TMEM132D: variants seen among roughly 807,000 people sequenced by gnomAD.
The protein encoded by TMEM132D is mature OL transmembrane protein.
Under a neutral mutation model 62.3 loss-of-function variants are expected in TMEM132D, and 21 were observed. The observed-to-expected ratio is 0.34, with a 90% CI of 0.24 to 0.49. TMEM132D has a LOEUF of 0.49. Ranked by LOEUF, TMEM132D falls within the 20% of genes least tolerant of loss-of-function variation. The pLI, the probability that TMEM132D is intolerant of heterozygous loss-of-function variation, is 0.99. For synonymous variants in TMEM132D, 621 were observed against 575.6 expected (o/e 1.08, Z -1.13); for missense variants, 1,346 against 1,402.8 (o/e 0.96, Z 0.65).
At chr12:129,739,774 A>G (rs894777115) in intron 1 of TMEM132D, among the ~76,000 whole-genome samples, 1 of 152,112 alleles carries the variant, frequency 6.6e-6, no homozygotes, top group South Asian at 2.1e-4. Flanking sequence ...GCTGGCAGGA[A>G]ATATGAGGTC....
intron 1 of TMEM132D, among the ~76,000 whole-genome samples, chr12:129,832,062 G>A (rs1489564450): frequency 7.6e-5 from 4 of 52,694 alleles, no homozygotes; most frequent in African/African-American, 3.0e-4. Flanking sequence ...TTTTTTTTTT[G>A]TATTTTAGTA....
At chr12:129,843,042 C>T (rs1053581654) in intron 1 of TMEM132D, among the ~76,000 whole-genome samples, 3 of 152,050 alleles carry the variant, frequency 2.0e-5, no homozygotes, top group Non-Finnish European at 2.9e-5. Context: ...TGGCAAAAAA[C>T]GTAAAACACA....
chr12:129,452,241 G>A (rs139511700), intron 3 of TMEM132D, among the ~76,000 whole-genome samples: 192 of 152,308 alleles, frequency 1.3e-3, no homozygotes, highest in Admixed American at 2.0e-3. Context: ...TGGAAAAAAT[G>A]AATAACATGC....
intron 4 of TMEM132D, among the ~76,000 whole-genome samples, chr12:129,336,327 C>T (rs550905642): frequency 2.2e-4 from 34 of 152,174 alleles, no homozygotes; most frequent in African/African-American, 8.2e-4. Context: ...TCTGTAATCC[C>T]AGTACTTTGG....
chr12:129,561,565 G>A (rs1397067347), intron 2 of TMEM132D, among the ~76,000 whole-genome samples: 4 of 152,184 alleles, frequency 2.6e-5, no homozygotes, highest in African/African-American at 9.7e-5. Flanking sequence ...ATGGAGAGCA[G>A]TCTAGCACAA....
intron 5 of TMEM132D, among the ~76,000 whole-genome samples, chr12:129,142,306 G>A (rs1477081582): frequency 6.6e-6 from 1 of 152,076 alleles, no homozygotes; most frequent in Admixed American, 6.6e-5. Context: ...AAGCAACCCT[G>A]ATTCTCTGGA....
chr12:129,166,688 TACACAC>T (rs199938469), intron 5 of TMEM132D, among the ~76,000 whole-genome samples: 1 of 104,656 alleles, frequency 9.6e-6, no homozygotes, highest in African/African-American at 3.2e-5. Flanking sequence ...TATATACACA[TACACAC>T]ACACACACAC....
At chr12:129,674,847 GT>G (rs1880590722) in intron 2 of TMEM132D, among the ~76,000 whole-genome samples, 1 of 152,060 alleles carries the variant, frequency 6.6e-6, no homozygotes, top group Non-Finnish European at 1.5e-5. Flanking sequence ...CTCGTTTTAT[GT>G]TTTAACCCTT....
At chr12:129,185,781 A>ATCTT (rs1565990851) in intron 5 of TMEM132D, among the ~76,000 whole-genome samples, 1 of 38,088 alleles carries the variant, frequency 2.6e-5, no homozygotes, top group Non-Finnish European at 5.8e-5. Context: ...CTGTCTATCT[A>ATCTT]TCTATCTATC....
intron 1 of TMEM132D, among the ~76,000 whole-genome samples, chr12:129,854,097 C>T (rs1160518016): frequency 2.0e-5 from 3 of 152,138 alleles, no homozygotes; most frequent in African/African-American, 4.8e-5. Context: ...TCACTTTCAC[C>T]CCACGTTTCC....
intron 5 of TMEM132D, among the ~76,000 whole-genome samples, chr12:129,128,945 G>A (rs1876293884): frequency 6.6e-6 from 1 of 151,948 alleles, no homozygotes; most frequent in South Asian, 2.1e-4. Context: ...TTTCATGGCT[G>A]CATAGTATTC....
intron 1 of TMEM132D, among the ~76,000 whole-genome samples, chr12:129,889,675 A>G (rs1445748783): frequency 6.6e-6 from 1 of 152,236 alleles, no homozygotes; most frequent in East Asian, 1.9e-4. Context: ...GATTCTAAAG[A>G]AAGATCCTTG....
At chr12:129,357,441 AAAAG>A (rs973170247) in intron 3 of TMEM132D, among the ~76,000 whole-genome samples, 3 of 151,368 alleles carry the variant, frequency 2.0e-5, no homozygotes, top group South Asian at 2.1e-4. Flanking sequence ...AGGAAAGAAA[AAAAG>A]AAAAAGCGAG....
chr12:129,349,708 A>T (rs1209630125), intron 3 of TMEM132D, among the ~76,000 whole-genome samples: 2 of 152,182 alleles, frequency 1.3e-5, no homozygotes, highest in Non-Finnish European at 2.9e-5. Flanking sequence ...GCTCCCATGT[A>T]AAGAGTTTAA....
intron 4 of TMEM132D, among the ~76,000 whole-genome samples, chr12:129,334,529 C>A (rs561333301): frequency 2.1e-3 from 321 of 152,330 alleles, no homozygotes; most frequent in African/African-American, 7.0e-3. Context: ...AAAGGTAGAT[C>A]AGACAGCAGT....
At chr12:129,112,059 T>A (rs549227723) in intron 5 of TMEM132D, among the ~76,000 whole-genome samples, 1 of 152,206 alleles carries the variant, frequency 6.6e-6, no homozygotes, top group Non-Finnish European at 1.5e-5. Flanking sequence ...CGTAGCCTCT[T>A]TACCTGGTTT....
At chr12:129,568,442 T>C (rs1028109580) in intron 2 of TMEM132D, among the ~76,000 whole-genome samples, 1 of 152,200 alleles carries the variant, frequency 6.6e-6, no homozygotes, top group Non-Finnish European at 1.5e-5. Context: ...TAAGAAACCA[T>C]TGTTTTATGA....
At chr12:129,897,896 T>C (rs1218234240) in intron 1 of TMEM132D, among the ~76,000 whole-genome samples, 2 of 152,158 alleles carry the variant, frequency 1.3e-5, no homozygotes, top group Non-Finnish European at 2.9e-5. Flanking sequence ...CCGCCTGGTT[T>C]TTAGTTATTC....
intron 3 of TMEM132D, among the ~76,000 whole-genome samples, chr12:129,356,570 C>T (rs1198765037): frequency 1.3e-5 from 2 of 151,472 alleles, no homozygotes; most frequent in Non-Finnish European, 2.9e-5. Context: ...GTAATCCTAA[C>T]ACTTTGGGAG....
Sources: allele counts gnomAD v4.1 joint callset (sites outside exome capture counted in the v4.1 genomes callset), GRCh38; gene constraint gnomAD v4.1.1; transcripts MANE v1.5; gene names NCBI Gene and HGNC (gene_info 2026-07-23, HGNC 2026-07-21).